DOK6: variants seen among roughly 807,000 people sequenced by gnomAD.
The protein encoded by DOK6 is downstream of tyrosine kinase 6.
A neutral mutation model predicts 44.0 loss-of-function variants in DOK6; 22 were observed. The observed-to-expected ratio is 0.50, with a 90% confidence interval of 0.36 to 0.71. The LOEUF (loss-of-function observed/expected upper bound fraction) is 0.71. Ranked by LOEUF, DOK6 falls within the 30% of genes least tolerant of loss-of-function variation. DOK6 has a pLI of 0.00. For missense variants in DOK6, 340 were observed against 416.4 expected (o/e 0.82, Z 1.60); for synonymous variants, 166 against 145.5 (o/e 1.14, Z -1.01).
intron 5 of DOK6, among the ~76,000 whole-genome samples, chr18:69,717,630 C>T (rs1223785791): frequency 2.6e-5 from 4 of 152,124 alleles, no homozygotes; most frequent in East Asian, 1.9e-4. Context: ...TGGCTAAGAG[C>T]CTTCATTGTG....
chr18:69,569,953 T>C (rs1048904679), intron 2 of DOK6, among the ~76,000 whole-genome samples: 11 of 151,994 alleles, frequency 7.2e-5, no homozygotes, highest in Non-Finnish European at 1.2e-4. Flanking sequence ...AAAAACCATA[T>C]ACCACCTGTT....
At chr18:69,475,766 C>G (rs1209364637) in intron 1 of DOK6, among the ~76,000 whole-genome samples, 1 of 152,116 alleles carries the variant, frequency 6.6e-6, no homozygotes, top group Non-Finnish European at 1.5e-5. Flanking sequence ...TTCCTACTTG[C>G]TTTCACTAGA....
chr18:69,566,107 C>A (rs548028684), intron 2 of DOK6, among the ~76,000 whole-genome samples: 1 of 142,280 alleles, frequency 7.0e-6, no homozygotes, highest in African/African-American at 2.5e-5. Context: ...GCCAGTACAG[C>A]TCGGTTTATT....
At chr18:69,821,902 A>G (rs372873395) in intron 7 of DOK6, among the ~76,000 whole-genome samples, 12 of 152,280 alleles carry the variant, frequency 7.9e-5, no homozygotes, top group East Asian at 7.7e-4. Context: ...AGGTAACTGA[A>G]CTATCCTTAC....
chr18:69,772,008 TAAAA>T lies in DOK6; in HGVS notation c.856+14151_856+14154del, dbSNP rs34816663. Among the ~76,000 whole-genome samples the T allele has an allele frequency of 2.7e-5, 3 of 111,710 alleles. No homozygotes were observed. The East Asian group carries it at 7.8e-4, about 29-fold the overall frequency. 73.3% of individuals were successfully genotyped at this position (111,710 alleles called of 152,430 possible). A position where few individuals can be genotyped will look rare whatever the true frequency, so the allele number is the denominator to read the frequency against. ...TCTAGGCAACACACTGAGACCTCAGTAAAAAAAAAAAAAAAAAAATGGCTTTTAG... is the reference window on the plus strand; with the variant it reads ...TCTAGGCAACACACTGAGACCTCAGTAAAAAAAAAAAAAAATGGCTTTTAG... On this transcript the variant is annotated intron_variant, in intron 7 of 7. Coordinates refer to ENST00000382713, the MANE Select transcript of DOK6 (RefSeq NM_152721.6).
intron 1 of DOK6, among the ~76,000 whole-genome samples, chr18:69,544,030 G>A (rs183562842): frequency 6.6e-4 from 100 of 151,084 alleles, no homozygotes; most frequent in African/African-American, 2.3e-3. Context: ...GGGCTGAGGT[G>A]GGTGGATCAG....
intron 1 of DOK6, among the ~76,000 whole-genome samples, chr18:69,424,465 A>G (rs776737524): frequency 7.2e-5 from 11 of 152,164 alleles, no homozygotes; most frequent in Non-Finnish European, 1.5e-4. Context: ...TCTTTTCTTA[A>G]TGGTGTACAA....
At chr18:69,555,464 T>C (rs192988954) in intron 1 of DOK6, among the ~76,000 whole-genome samples, 34 of 152,328 alleles carry the variant, frequency 2.2e-4, no homozygotes, top group Middle Eastern at 3.4e-3. Context: ...GTTTTCAATA[T>C]ATTTATCCAA....
intron 1 of DOK6, among the ~76,000 whole-genome samples, chr18:69,482,888 TA>T (rs1463323818): frequency 3.9e-5 from 6 of 152,036 alleles, no homozygotes; most frequent in Admixed American, 1.3e-4. Flanking sequence ...TTATTCTTTT[TA>T]TTTTTTTAAC....
chr18:69,737,657 T>C (rs147545672), intron 5 of DOK6, among the ~76,000 whole-genome samples: 1 of 152,296 alleles, frequency 6.6e-6, no homozygotes, highest in East Asian at 1.9e-4. Flanking sequence ...TTATGCTGTT[T>C]TAGATGCCTT....
intron 1 of DOK6, among the ~76,000 whole-genome samples, chr18:69,497,433 C>G (rs1218767709): frequency 6.6e-6 from 1 of 152,116 alleles, no homozygotes; most frequent in African/African-American, 2.4e-5. Context: ...CAAGCAGGAT[C>G]CTTGAAAAGG....
At chr18:69,826,477 ATTT>A (rs1981743492) in intron 7 of DOK6, among the ~76,000 whole-genome samples, 2 of 152,202 alleles carry the variant, frequency 1.3e-5, no homozygotes, top group South Asian at 4.1e-4. Flanking sequence ...TAAGATGACA[ATTT>A]TTATTGCTGC....
chr18:69,526,764 C>T (rs1423427124), intron 1 of DOK6, among the ~76,000 whole-genome samples: 2 of 152,132 alleles, frequency 1.3e-5, no homozygotes, highest in Non-Finnish European at 1.5e-5. Context: ...TGGTTGTATT[C>T]TGTAGAATGT....
At chr18:69,645,172 G>A (rs936601518) in intron 3 of DOK6, among the ~76,000 whole-genome samples, 4 of 152,112 alleles carry the variant, frequency 2.6e-5, no homozygotes, top group African/African-American at 9.7e-5. Context: ...TTTATCACGT[G>A]TGTGGATCTG....
At chr18:69,717,130 A>G (rs1026664553) in intron 5 of DOK6, among the ~76,000 whole-genome samples, 13 of 152,204 alleles carry the variant, frequency 8.5e-5, no homozygotes, top group African/African-American at 3.1e-4. Context: ...TGGTCTAAAG[A>G]ATAATTCTGT....
rs905083337 is a variant in DOK6 at position 69,812,880 on chromosome 18, G to T, written c.857-28364G>T. The stretch of plus-strand genomic sequence containing the variant: ...CTTCAGATTTCATGAGAACAGCATG[G>T]GGGAGAATGCCCCCACGATTCAATT... On this transcript the variant is annotated intron_variant, in intron 7 of 7. Coordinates refer to ENST00000382713, the MANE Select transcript of DOK6 (RefSeq NM_152721.6). 2.5e-4 allele frequency among the ~76,000 whole-genome samples: 38 copies of T among 152,000 alleles called. 1 individual carries two copies. The highest frequency in any genetic ancestry group is 9.2e-4 in the African/African-American group (38 of 41,394).
intron 7 of DOK6, among the ~76,000 whole-genome samples, chr18:69,803,302 A>G (rs1247827549): frequency 6.6e-6 from 1 of 152,202 alleles, no homozygotes; most frequent in Non-Finnish European, 1.5e-5. Context: ...TAGCAATATC[A>G]CAGACATTTG....
chr18:69,746,448 A>G (rs4891373), intron 6 of DOK6, among the ~76,000 whole-genome samples: 106,002 of 151,882 alleles, frequency 0.7, 39,190 homozygotes, highest in East Asian at 0.85. Flanking sequence ...AGTAGAGAGC[A>G]TTTTGCCATG....
At chr18:69,791,729 C>A (rs1980605653) in intron 7 of DOK6, among the ~76,000 whole-genome samples, 1 of 151,714 alleles carries the variant, frequency 6.6e-6, no homozygotes. Context: ...TGATTGTTTC[C>A]TTTGCTGTAG....
Sources: gnomAD v4.1 joint callset for allele counts (sites outside exome capture counted in the v4.1 genomes callset) on GRCh38, gnomAD v4.1.1 for gene constraint, MANE v1.5 for transcripts, NCBI Gene and HGNC (gene_info 2026-07-23, HGNC 2026-07-21) for gene names.